The following SYT16 variants were observed in gnomAD, a reference collection of about 807,000 sequenced individuals.
SYT16 encodes synaptotagmin-16.
SYT16 carries 42 observed loss-of-function variants against 61.4 expected under a neutral mutation model. That is an observed-to-expected ratio of 0.68 (90% CI 0.53 to 0.89). The LOEUF is 0.89. Among genes scored for constraint, SYT16 ranks in the 40% least tolerant of loss-of-function variants. SYT16 has a pLI of 0.00. For missense variants in SYT16, 804 were observed against 807.3 expected (o/e 1.00, Z 0.05); for synonymous variants, 314 against 302.3 (o/e 1.04, Z -0.40).
intron 1 of SYT16, among the ~76,000 whole-genome samples, chr14:61,965,405 C>T (rs951830481): frequency 1.8e-4 from 27 of 152,062 alleles, no homozygotes; most frequent in African/African-American, 5.1e-4. Flanking sequence ...TAATAGATTC[C>T]GGAAGAAACA....
intron 1 of SYT16, among the ~76,000 whole-genome samples, chr14:61,962,419 C>T (rs1466057460): frequency 6.6e-6 from 1 of 151,888 alleles, no homozygotes; most frequent in Non-Finnish European, 1.5e-5. Flanking sequence ...TGACATGTGG[C>T]TTTTCTCTTG....
At chr14:61,815,316 G>A (rs1213924519) in intron 1 of SYT16, among the ~76,000 whole-genome samples, 1 of 152,190 alleles carries the variant, frequency 6.6e-6, no homozygotes, top group African/African-American at 2.4e-5. Flanking sequence ...ACCATGCAGT[G>A]ACTACATGAC....
rs1270695071 is a variant in SYT16, at chr14:61,823,577, A to C, written c.-325+10767A>C. Among the ~76,000 whole-genome samples, 8 of 144,944 alleles carry C rather than the reference A, an allele frequency of 5.5e-5. No individual in the cohort carries two copies. In the South Asian group the frequency reaches 1.8e-3, roughly 33 times the overall value. On this transcript the variant is annotated intron_variant, in intron 1 of 7. Coordinates refer to ENST00000683842, the MANE Select transcript of SYT16 (RefSeq NM_001367656.1). ...AAACCCATCTCTACTAAAAATACAA[A>C]AAAAAAAAAAAAAAAAAAAGAAGAA...
At chr14:61,976,489 A>G (rs529548107) in intron 2 of SYT16, among the ~76,000 whole-genome samples, 2 of 152,228 alleles carry the variant, frequency 1.3e-5, no homozygotes, top group African/African-American at 2.4e-5. Context: ...ACACATTTTC[A>G]TACATCCTCT....
chr14:61,876,922 G>A (rs1429650540), intron 1 of SYT16, among the ~76,000 whole-genome samples: 3 of 152,214 alleles, frequency 2.0e-5, no homozygotes, highest in African/African-American at 4.8e-5. Context: ...TACAGTTGGA[G>A]AAACCAGGTC....
chr14:61,826,439 GC>G (rs1327071758), intron 1 of SYT16, among the ~76,000 whole-genome samples: 1 of 151,922 alleles, frequency 6.6e-6, no homozygotes, highest in Admixed American at 6.5e-5. Flanking sequence ...TTTTTTCTGG[GC>G]CCAGTAATTT....
rs546563599 is a variant in SYT16, at chr14:61,956,780, A to G, written c.-324-13352A>G. Among the ~76,000 whole-genome samples, 3 of 151,930 alleles carry G rather than the reference A, an allele frequency of 2.0e-5. No individual in the cohort carries two copies. In the East Asian group the frequency reaches 5.8e-4, roughly 29 times the overall value. On this transcript the variant is annotated intron_variant, in intron 1 of 7. Transcript: ENST00000683842. ...TTTCTTACTCAGTATTGCTTTGGCT[A>G]TTAAGAGTCTTTTATGATTTCAAAT...
chr14:61,826,721 GGT>G (rs750483877), intron 1 of SYT16, among the ~76,000 whole-genome samples: 2 of 151,842 alleles, frequency 1.3e-5, no homozygotes, highest in African/African-American at 2.4e-5. Context: ...TTGCTGCATT[GGT>G]CAGCTGGGAC....
intron 3 of SYT16, among the ~76,000 whole-genome samples, chr14:61,998,932 T>C (rs1156742407): frequency 6.6e-6 from 1 of 151,954 alleles, no homozygotes; most frequent in Non-Finnish European, 1.5e-5. Context: ...TTTTGTTGTT[T>C]AGTATGTTGA....
At chr14:61,849,212 C>T (rs970741536) in intron 1 of SYT16, among the ~76,000 whole-genome samples, 2 of 152,126 alleles carry the variant, frequency 1.3e-5, no homozygotes, top group East Asian at 3.9e-4. Context: ...CTTTACTCTT[C>T]TCTCTCCTCT....
intron 1 of SYT16, among the ~76,000 whole-genome samples, chr14:61,819,760 A>C (rs1341372529): frequency 6.6e-6 from 1 of 152,208 alleles, no homozygotes; most frequent in Non-Finnish European, 1.5e-5. Flanking sequence ...GGAAGAGAGC[A>C]CAGGCCTGGT....
chr14:62,081,425 A>G (rs1395834745), intron 6 of SYT16, among the ~76,000 whole-genome samples, 151 bp downstream of exon 6: 1 of 152,190 alleles, frequency 6.6e-6, no homozygotes, highest in Non-Finnish European at 1.5e-5. Context: ...CATGATTTGC[A>G]CTTCATGGTA....
At chr14:61,914,740 A>T (rs1012054073) in intron 1 of SYT16, among the ~76,000 whole-genome samples, 1 of 152,214 alleles carries the variant, frequency 6.6e-6, no homozygotes, top group African/African-American at 2.4e-5. Flanking sequence ...TTACCCAGTT[A>T]TAAGCCACCA....
intron 3 of SYT16, among the ~76,000 whole-genome samples, chr14:62,034,992 G>C (rs2054453891): frequency 6.6e-6 from 1 of 152,188 alleles, no homozygotes; most frequent in Non-Finnish European, 1.5e-5. Context: ...TACCCCGAAA[G>C]CTTCTTAGTT....
intron 1 of SYT16, among the ~76,000 whole-genome samples, chr14:61,816,822 T>C (rs990801287): frequency 1.3e-5 from 2 of 151,114 alleles, no homozygotes; most frequent in African/African-American, 4.9e-5. Context: ...CCATCCTGGC[T>C]AACATGGTGA....
intron 1 of SYT16, among the ~76,000 whole-genome samples, chr14:61,887,641 C>T (rs1158171891): frequency 6.6e-6 from 1 of 152,212 alleles, no homozygotes; most frequent in Non-Finnish European, 1.5e-5. Flanking sequence ...TTGCCTTGCA[C>T]TTTTATATTA....
At chr14:61,947,646 A>C (rs1456399844) in intron 1 of SYT16, among the ~76,000 whole-genome samples, 1 of 152,196 alleles carries the variant, frequency 6.6e-6, no homozygotes, top group Non-Finnish European at 1.5e-5. Context: ...GTTCAATTAA[A>C]GTAACATGGA....
chr14:62,103,806 A>G lies in SYT16; in HGVS notation c.*3099A>G, dbSNP rs1196705776. The G allele has an allele frequency of 6.6e-6, 1 of 152,216 alleles. No individual in the cohort carries two copies. Among genetic ancestry groups the G allele is most frequent in the Admixed American group, 6.5e-5 (1 of 15,280 alleles). 9.4% of individuals were successfully genotyped at this position (152,216 alleles called of 1,614,324 possible). ...CCTGCATGAAATCAGGAAAAGAATCATCACCATGTTTGTGAGAGGGAAAAG... is the reference window on the plus strand; with the variant it reads ...CCTGCATGAAATCAGGAAAAGAATCGTCACCATGTTTGTGAGAGGGAAAAG... On this transcript the variant is annotated 3_prime_UTR_variant, in exon 8 of 8. Transcript: ENST00000683842.
chr14:61,833,894 T>C (rs781597584), intron 1 of SYT16, among the ~76,000 whole-genome samples: 14 of 151,572 alleles, frequency 9.2e-5, no homozygotes, highest in Non-Finnish European at 1.5e-4. Flanking sequence ...CCAATCCTGT[T>C]CTTTTTCCCT....
Sources: allele counts gnomAD v4.1 joint callset (sites outside exome capture counted in the v4.1 genomes callset), GRCh38; gene constraint gnomAD v4.1.1; transcripts MANE v1.5; gene names NCBI Gene and HGNC (gene_info 2026-07-23, HGNC 2026-07-21).